MAPT: variants seen among roughly 807,000 people sequenced by gnomAD.
MAPT encodes the protein microtubule associated protein tau, also known as microtubule-associated protein tau.
In MAPT, 34 loss-of-function variants were observed where a neutral mutation model predicts 67.9. The ratio of observed to expected loss-of-function variants is 0.50; its 90% CI spans 0.38 to 0.67. The LOEUF is 0.67. Ranked by LOEUF, MAPT falls within the 30% of genes least tolerant of loss-of-function variation. The pLI, the probability that MAPT is intolerant of heterozygous loss-of-function variation, is 0.00. For synonymous variants in MAPT, 456 were observed against 464.5 expected (o/e 0.98, Z 0.23); for missense variants, 881 against 1,115.2 (o/e 0.79, Z 2.99).
intron 1 of MAPT, among the ~76,000 whole-genome samples, chr17:45,937,017 C>T (rs979967369): frequency 5.9e-5 from 9 of 152,296 alleles, no homozygotes; most frequent in Admixed American, 3.3e-4. Flanking sequence ...CCCCACTCCC[C>T]GTCCCACGCC....
Position 46,023,950 on chromosome 17 carries a change from T to C in MAPT, c.2287-6T>C. The C allele has an allele frequency of 6.2e-7, 1 of 1,613,484 alleles. No individual in the cohort carries two copies. Among genetic ancestry groups the C allele is most frequent in the Non-Finnish European group, 8.5e-7 (1 of 1,179,666 alleles). On this transcript the variant is annotated splice_polypyrimidine_tract_variant and splice_region_variant and intron_variant, in intron 12 of 12. Coordinates refer to ENST00000262410, the MANE Select transcript of MAPT (RefSeq NM_001377265.1). ...TCTCACCCTCCCTCCCTTCCTCTTC[T>C]TGCAGATTGAAACCCACAAGCTGAC...
chr17:45,985,758 G>T (rs778986922), intron 5 of MAPT: 9 of 983,086 alleles, frequency 9.2e-6, no homozygotes, highest in Non-Finnish European at 9.7e-6. Context: ...AGTCAGATCC[G>T]CCTGGGGCTC....
In MAPT at chr17:46,024,978, C is replaced by T. The variant is rs532026972; in HGVS notation, c.*807C>T. On this transcript the variant is annotated 3_prime_UTR_variant, in exon 13 of 13. Transcript: ENST00000262410. ...GCAAGCTGGCAGGAGGGTGGCACTT[C>T]GTGGATGACCTCCTTAGAAAAGACT... 6.5e-6 allele frequency: 1 copy of T among 153,042 alleles called. No homozygotes were observed. Among genetic ancestry groups the T allele is most frequent in the Non-Finnish European group, 1.5e-5 (1 of 68,714 alleles). The allele number at this position is 153,042 out of a possible 1,614,324, so 9.5% of individuals were successfully genotyped here.
At chr17:45,951,378 C>T (rs903123034) in intron 1 of MAPT, among the ~76,000 whole-genome samples, 7 of 152,210 alleles carry the variant, frequency 4.6e-5, no homozygotes, top group African/African-American at 1.7e-4. Context: ...CAATCAAAAA[C>T]AGTTGTTTGA....
intron 8 of MAPT, among the ~76,000 whole-genome samples, chr17:45,993,126 C>A (rs1229635943): frequency 4.6e-5 from 7 of 152,218 alleles, no homozygotes; most frequent in Non-Finnish European, 1.0e-4. Context: ...CTTGGTGACT[C>A]TGCTTCTCCC....
chr17:45,947,433 G>A (rs1185954140), intron 1 of MAPT, among the ~76,000 whole-genome samples: 1 of 150,512 alleles, frequency 6.6e-6, no homozygotes, highest in Non-Finnish European at 1.5e-5. Flanking sequence ...ACCCAGGCTG[G>A]AGTGCAGTGG....
chr17:45,971,776 C>A lies in MAPT; in HGVS notation c.134-83C>A. On this transcript the variant is annotated intron_variant, in intron 2 of 12. Coordinates refer to ENST00000262410, the MANE Select transcript of MAPT (RefSeq NM_001377265.1). The surrounding 1 kb of genome is among the most constrained non-coding windows in gnomAD (Gnocchi z 4.3). ...GGGAGCGATTTTCAGCTCCACAGGACACTGCTCCCCAGTTCCTCCTGAGAA... is the reference window on the plus strand; with the variant it reads ...GGGAGCGATTTTCAGCTCCACAGGAAACTGCTCCCCAGTTCCTCCTGAGAA... The A allele has an allele frequency of 1.0e-6, 1 of 988,198 alleles. No homozygotes were observed. The highest frequency in any genetic ancestry group is 1.6e-6 in the Non-Finnish European group (1 of 615,032). 61.2% of individuals were successfully genotyped at this position (988,198 alleles called of 1,614,324 possible). A position where few individuals can be genotyped will look rare whatever the true frequency, so the allele number is the denominator to read the frequency against.
intron 1 of MAPT, among the ~76,000 whole-genome samples, chr17:45,939,020 G>A (rs749456531): frequency 6.6e-6 from 1 of 151,928 alleles, no homozygotes; most frequent in Non-Finnish European, 1.5e-5. Context: ...CACCATGTTG[G>A]CCAGGCTGGT....
At chr17:45,933,058 A>G (rs939005161) in intron 1 of MAPT, among the ~76,000 whole-genome samples, 3 of 152,144 alleles carry the variant, frequency 2.0e-5, no homozygotes, top group African/African-American at 7.2e-5. Context: ...CTCTAGCCCC[A>G]GCAACAAGAG....
intron 1 of MAPT, among the ~76,000 whole-genome samples, chr17:45,946,733 T>G (rs1287998550): frequency 6.7e-6 from 1 of 150,302 alleles, no homozygotes; most frequent in Non-Finnish European, 1.5e-5. Flanking sequence ...GCTATTCCAG[T>G]AGTTACAATG....
At chr17:45,933,630 G>A (rs923779639) in intron 1 of MAPT, among the ~76,000 whole-genome samples, 37 of 152,102 alleles carry the variant, frequency 2.4e-4, no homozygotes, top group African/African-American at 7.2e-4. Context: ...ATTGTGTTCC[G>A]GACCCTTGTC....
rs2074441759 is a variant in MAPT at position 45,996,044 on chromosome 17, G to C, written c.1733-355G>C. ...TCCATTTTCAAATTAAGGCCTCTGA[G>C]CTCAGAGAGGGGAAGTTACTTGTCT... On this transcript the variant is annotated intron_variant, in intron 8 of 12. Transcript: ENST00000262410. This position sits in a 1 kb window ranked among gnomAD's most constrained non-coding sequence, Gnocchi z 4.5. Among the ~76,000 whole-genome samples, 1 of 152,174 alleles carries C rather than the reference G, an allele frequency of 6.6e-6. No individual in the cohort carries two copies. The highest frequency in any genetic ancestry group is 2.4e-5 in the African/African-American group (1 of 41,434).
At chr17:45,972,063 G>A (rs754783825) in intron 3 of MAPT, 118 bp downstream of exon 3, 14 of 782,932 alleles carry the variant, frequency 1.8e-5, no homozygotes, top group Middle Eastern at 4.4e-4. Context: ...TCACTCCTTC[G>A]GTGCTTTGCA....
chr17:45,999,757 G>A (rs2074841525), intron 9 of MAPT: 2 of 1,137,384 alleles, frequency 1.8e-6, no homozygotes, highest in East Asian at 2.6e-5. Flanking sequence ...AGGAGAAAGG[G>A]TGACTTGACT....
chr17:45,926,936 CACATATATAT>C (rs901943216), intron 1 of MAPT, among the ~76,000 whole-genome samples: 53 of 111,120 alleles, frequency 4.8e-4, no homozygotes, highest in East Asian at 1.8e-3. Flanking sequence ...CACATATATA[CACATATATAT>C]ACATATATGT....
intron 1 of MAPT, among the ~76,000 whole-genome samples, chr17:45,908,592 A>T (rs1483560360): frequency 6.6e-6 from 1 of 152,142 alleles, no homozygotes; most frequent in Admixed American, 6.5e-5. Context: ...TGTGGTTCAC[A>T]CTCTGGGACC....
intron 12 of MAPT, among the ~76,000 whole-genome samples, chr17:46,022,309 G>A (rs1168631398): frequency 2.7e-5 from 4 of 147,782 alleles, no homozygotes; most frequent in African/African-American, 5.0e-5. Context: ...AGCTGAGATC[G>A]TGCCACTGCA....
chr17:45,920,155 G>A (rs529911492), intron 1 of MAPT, among the ~76,000 whole-genome samples: 31 of 152,294 alleles, frequency 2.0e-4, no homozygotes, highest in Admixed American at 1.1e-3. Context: ...CTTTGTACAC[G>A]TCCGGCGGCT....
chr17:45,971,354 C>T lies in MAPT; in HGVS notation c.134-505C>T, dbSNP rs73984656. On this transcript the variant is annotated intron_variant, in intron 2 of 12. Coordinates refer to ENST00000262410, the MANE Select transcript of MAPT (RefSeq NM_001377265.1). The surrounding 1 kb of genome is among the most constrained non-coding windows in gnomAD (Gnocchi z 4.3). ...CTTGGAGGTCTTTCTATGAAAGGAG[C>T]TTGGTGGCGTCCAAACACCACCCAA... 3.4e-3 allele frequency among the ~76,000 whole-genome samples: 522 copies of T among 152,264 alleles called. 2 individuals carry two copies. Among genetic ancestry groups the T allele is most frequent in the African/African-American group, 0.012 (494 of 41,558 alleles).
Sources: allele counts gnomAD v4.1 joint callset (sites outside exome capture counted in the v4.1 genomes callset), GRCh38; gene constraint gnomAD v4.1.1; non-coding constraint Gnocchi (gnomAD v3.1); transcripts MANE v1.5; gene names NCBI Gene and HGNC (gene_info 2026-07-23, HGNC 2026-07-21).